CCDC144A: variants seen among roughly 807,000 people sequenced by gnomAD.
CCDC144A encodes the protein coiled-coil domain-containing protein 144A.
CCDC144A carries 41 observed loss-of-function variants against 143.8 expected under a neutral mutation model. That is an observed-to-expected ratio of 0.29 (90% CI 0.22 to 0.37). The LOEUF (loss-of-function observed/expected upper bound fraction) is 0.37, where lower values mean the gene tolerates loss of function less well. Among genes scored for constraint, CCDC144A ranks in the 10% least tolerant of loss-of-function variants. The probability of loss-of-function intolerance (pLI) is 1.00; values close to 1 mark genes in which losing one functional copy is unlikely to be tolerated. For missense variants in CCDC144A, 637 were observed against 1,488.8 expected (o/e 0.43, Z 9.41); for synonymous variants, 242 against 517.9 (o/e 0.47, Z 7.23).
In CCDC144A at chr17:16,755,267, T is replaced by A. The variant is rs1915023595; in HGVS notation, c.3373-6158T>A. Among the ~76,000 whole-genome samples the A allele has an allele frequency of 2.0e-5, 3 of 152,236 alleles. No homozygotes were observed. In the South Asian group the frequency reaches 6.2e-4, roughly 32 times the overall value. On this transcript the variant is annotated intron_variant, in intron 12 of 16. Coordinates refer to ENST00000399273, the MANE Select transcript of CCDC144A (RefSeq NM_001382000.1). ...AGAGGTGAGGACTTACTCCTTTCAT[T>A]TATTAATTGTTTAGTGATTGTTTTG...
rs1461928285 is a variant in CCDC144A, at chr17:16,775,081, A to G, written c.*1448A>G. ...GGCTGCATAGTATTCCATGGTGTAT[A>G]TGTACCACATTTTCTTTATCCAGTT... On this transcript the variant is annotated 3_prime_UTR_variant, in exon 17 of 17. Coordinates refer to ENST00000399273, the MANE Select transcript of CCDC144A (RefSeq NM_001382000.1). 6.6e-6 allele frequency: 1 copy of G among 151,920 alleles called. No individual in the cohort carries two copies. Among genetic ancestry groups the G allele is most frequent in the Non-Finnish European group, 1.5e-5 (1 of 68,004 alleles). 9.4% of individuals were successfully genotyped at this position (151,920 alleles called of 1,614,324 possible).
upstream of CCDC144A, among the ~76,000 whole-genome samples, chr17:16,684,748 C>G (rs9896514): frequency 6.6e-6 from 1 of 151,674 alleles, no homozygotes; most frequent in South Asian, 2.1e-4. Context: ...CTGACTACTT[C>G]AGCCGAGAAG....
rs2143430868 is a variant in CCDC144A at position 16,776,455 on chromosome 17, T to A, written c.*2822T>A. ...TGTATTCCTAGGTATTATACTCTTC[T>A]TGTGGCAATTGTGAATGGGAGTTAA... On this transcript the variant is annotated 3_prime_UTR_variant, in exon 17 of 17. Transcript: ENST00000399273. 6.6e-6 allele frequency: 1 copy of A among 152,372 alleles called. No homozygotes were observed. Among genetic ancestry groups the A allele is most frequent in the South Asian group, 2.1e-4 (1 of 4,832 alleles). 9.4% of individuals were successfully genotyped at this position (152,372 alleles called of 1,614,324 possible).
At chr17:16,669,177 CTA>C in the CCDC144A span, among the ~76,000 whole-genome samples, 1 of 152,170 alleles carries the variant, frequency 6.6e-6, no homozygotes, top group Non-Finnish European at 1.5e-5. Context: ...GCTTCCTATA[CTA>C]TATATATCTT....
At chr17:16,721,960 C>G (rs1470505666) in intron 8 of CCDC144A, among the ~76,000 whole-genome samples, 2 of 152,192 alleles carry the variant, frequency 1.3e-5, no homozygotes, top group Non-Finnish European at 2.9e-5. Context: ...CCTAACTGCA[C>G]TGGCTTCAGT....
At chr17:16,755,840 G>T (rs1295049959) in intron 12 of CCDC144A, among the ~76,000 whole-genome samples, 1 of 152,206 alleles carries the variant, frequency 6.6e-6, no homozygotes, top group Non-Finnish European at 1.5e-5. Context: ...GGATTACAGG[G>T]ATGAACCACT....
At chr17:16,696,268 G>A (rs1406446551) in intron 2 of CCDC144A, among the ~76,000 whole-genome samples, 1 of 151,226 alleles carries the variant, frequency 6.6e-6, no homozygotes, top group East Asian at 1.9e-4. Context: ...ACCCACCTTG[G>A]CCTCTCAAGT....
intron 8 of CCDC144A, among the ~76,000 whole-genome samples, chr17:16,726,770 T>C (rs1205080977): frequency 6.6e-6 from 1 of 151,796 alleles, no homozygotes; most frequent in Non-Finnish European, 1.5e-5. Flanking sequence ...CAGTGTTCTT[T>C]CCCTGTACTC....
chr17:16,702,169 T>G (rs1911771421), intron 2 of CCDC144A, among the ~76,000 whole-genome samples: 1 of 152,218 alleles, frequency 6.6e-6, no homozygotes, highest in Non-Finnish European at 1.5e-5. Context: ...TGGCACATTC[T>G]GGCAGCTTGA....
chr17:16,706,093 A>G (rs1332393891), intron 3 of CCDC144A: 1 of 151,874 alleles, frequency 6.6e-6, no homozygotes, highest in East Asian at 1.9e-4. Flanking sequence ...CAAAAAACAA[A>G]AACAAAAAAA....
intron 8 of CCDC144A, among the ~76,000 whole-genome samples, chr17:16,721,819 C>G (rs1280261423): frequency 6.6e-6 from 1 of 152,044 alleles, no homozygotes; most frequent in African/African-American, 2.4e-5. Context: ...TCCATTAAAA[C>G]TTTATTTGCA....
In CCDC144A at chr17:16,708,930, A is replaced by G; in HGVS notation, c.873A>G (p.Leu291=). 1.2e-6 allele frequency: 2 copies of G among 1,611,618 alleles called. No homozygotes were observed. The highest frequency in any genetic ancestry group is 1.7e-6 in the Non-Finnish European group (2 of 1,179,578). The change falls in exon 5 of 17, where the codon TTA becomes TTG. Residue 291 remains leucine, a synonymous_variant. Transcript: ENST00000399273. ...GCAAATTAGAGTGGAAAAACCAATTAAAACTCGTCATAAATGAGTTAAAGC... is the reference window on the plus strand; with the variant it reads ...GCAAATTAGAGTGGAAAAACCAATTGAAACTCGTCATAAATGAGTTAAAGC... ...EQGKLEWKNQ[L]KLVINELKQR... is the part of the protein sequence containing the mutation.
chr17:16,675,875 TGGGACTACA>T, the CCDC144A span, among the ~76,000 whole-genome samples: 1 of 151,724 alleles, frequency 6.6e-6, no homozygotes, highest in Non-Finnish European at 1.5e-5. Context: ...CCCAAGTAGC[TGGGACTACA>T]GGCGCCCGCC....
intron 16 of CCDC144A, among the ~76,000 whole-genome samples, chr17:16,773,292 A>G (rs1457442786): frequency 6.6e-6 from 1 of 151,914 alleles, no homozygotes; most frequent in Non-Finnish European, 1.5e-5. Context: ...CCTATAAAAA[A>G]TACAAAAGCT....
At position 16,763,913 on chromosome 17, in the gene CCDC144A, T is replaced by G. The variant is rs1915484589; in HGVS notation, c.3888-52T>G. On this transcript the variant is annotated intron_variant, in intron 14 of 16. Transcript: ENST00000399273. ...TAGAACAATCGAAGTCATTTAGGAATCATTTAGGAAAAAATGAAATACTAA... is the reference window on the plus strand; with the variant it reads ...TAGAACAATCGAAGTCATTTAGGAAGCATTTAGGAAAAAATGAAATACTAA... 5.1e-6 allele frequency: 8 copies of G among 1,553,836 alleles called. No homozygotes were observed. In the South Asian group the frequency reaches 8.7e-5, roughly 17 times the overall value.
chr17:16,680,721 AT>A, the CCDC144A span, among the ~76,000 whole-genome samples: 9 of 152,048 alleles, frequency 5.9e-5, no homozygotes, highest in Admixed American at 1.3e-4. Flanking sequence ...CAAAAAAAAA[AT>A]GTTTCAAGCT....
chr17:16,748,175 AC>A (rs1379900330), intron 12 of CCDC144A, among the ~76,000 whole-genome samples: 4 of 152,156 alleles, frequency 2.6e-5, no homozygotes, highest in African/African-American at 7.2e-5. Context: ...GAGCCAGTGC[AC>A]TTAGCCCCCA....
At chr17:16,676,035 A>G in the CCDC144A span, among the ~76,000 whole-genome samples, 1 of 151,996 alleles carries the variant, frequency 6.6e-6, no homozygotes. Flanking sequence ...GGCATGAGCC[A>G]CTGCGCCCGG....
chr17:16,678,603 CAG>C, the CCDC144A span, among the ~76,000 whole-genome samples: 1 of 86,802 alleles, frequency 1.2e-5, no homozygotes. Context: ...TTTTTTTTGA[CAG>C]AGTTTTGCTC....
Sources: allele counts gnomAD v4.1 joint callset (sites outside exome capture counted in the v4.1 genomes callset), GRCh38; gene constraint gnomAD v4.1.1; transcripts MANE v1.5; gene names NCBI Gene and HGNC (gene_info 2026-07-23, HGNC 2026-07-21).